Variants in PCDH19 observed in about 807,000 individuals in gnomAD.
The protein encoded by PCDH19 is protocadherin 19.
Under a neutral mutation model 46.2 loss-of-function variants are expected in PCDH19, and 6 were observed. That is an observed-to-expected ratio of 0.13 (90% CI 0.07 to 0.26). The LOEUF (loss-of-function observed/expected upper bound fraction) is 0.26. Among genes scored for constraint, PCDH19 ranks in the 10% least tolerant of loss-of-function variants. The probability of loss-of-function intolerance (pLI) is 1.00; values close to 1 mark genes in which losing one functional copy is unlikely to be tolerated. For synonymous variants in PCDH19, 481 were observed against 415.7 expected, an observed-to-expected ratio of 1.16 and a Z score of -1.91; for missense variants, 740 against 972.3, an observed-to-expected ratio of 0.76 and a Z score of 3.18.
chrX:100,343,894 CTG>C (rs1926325371), intron 4 of PCDH19, among the ~76,000 whole-genome samples: 1 of 111,997 alleles, frequency 8.9e-6, no homozygotes, highest in African/African-American at 3.2e-5. Context: ...GCCTGGCTCT[CTG>C]AGACTGATAA....
chrX:100,371,023 GTGGGT>G (rs1927208389), intron 3 of PCDH19, among the ~76,000 whole-genome samples: 1 of 109,018 alleles, frequency 9.2e-6, no homozygotes, highest in East Asian at 2.9e-4. Context: ...GTGTGTGTGT[GTGGGT>G]GTGTGTGTAT....
chrX:100,394,261 T>C (rs1311554592), intron 3 of PCDH19, among the ~76,000 whole-genome samples: 1 of 112,292 alleles, frequency 8.9e-6, no homozygotes, highest in East Asian at 2.8e-4. Flanking sequence ...CCTGCTTCAG[T>C]CCCAAAGGGT....
intron 5 of PCDH19, among the ~76,000 whole-genome samples, chrX:100,301,664 G>C: frequency 9.0e-6 from 1 of 111,298 alleles, no homozygotes; most frequent in South Asian, 3.8e-4. Context: ...GCCATTTTTT[G>C]TGAGATATAA....
chrX:100,369,453 A>G (rs1011747905), intron 3 of PCDH19, among the ~76,000 whole-genome samples: 25 of 112,024 alleles, frequency 2.2e-4, no homozygotes, highest in African/African-American at 7.8e-4. Context: ...CCTTATACCT[A>G]AGAACGAATT....
At position 100,408,611 on chromosome X, in the gene PCDH19, T is replaced by C. The variant is rs776486016; in HGVS notation, c.-14A>G. On this transcript the variant is annotated 5_prime_UTR_variant, in exon 1 of 6. Coordinates refer to ENST00000373034, the MANE Select transcript of PCDH19 (RefSeq NM_001184880.2). Reference sequence around the variant, plus strand: ...GAGCGACTCCATGGCTGCACGGGGCTCTGCCTGGCCTCGCCTCTCCACACC... The same window carrying C: ...GAGCGACTCCATGGCTGCACGGGGCCCTGCCTGGCCTCGCCTCTCCACACC... The C allele has an allele frequency of 8.8e-7, 1 of 1,134,607 alleles. No individual in the cohort carries two copies. Among genetic ancestry groups the C allele is most frequent in the Admixed American group, 2.6e-5 (1 of 38,661 alleles). The allele number at this position is 1,134,607 out of a possible 1,213,427, so 93.5% of individuals were successfully genotyped here.
At chrX:100,307,859 GAAAACTATA>G (rs1269203835) in intron 5 of PCDH19, among the ~76,000 whole-genome samples, 2 of 110,354 alleles carry the variant, frequency 1.8e-5, no homozygotes, top group Non-Finnish European at 3.8e-5. Flanking sequence ...CCCCTACAAA[GAAAACTATA>G]AAACACTGCT....
Position 100,292,784 on chromosome X carries a change from C to A in PCDH19, c.*3493G>T, listed in dbSNP as rs958828114. ...GACTGTATACAATGGATTTCTTAAG[C>A]TCATTTATGCCAGTTTTTCAAAGTC... On this transcript the variant is annotated 3_prime_UTR_variant, in exon 6 of 6. Coordinates refer to ENST00000373034, the MANE Select transcript of PCDH19 (RefSeq NM_001184880.2). 1 of 111,936 alleles carries A rather than the reference C, an allele frequency of 8.9e-6. No individual in the cohort carries two copies. The highest frequency in any genetic ancestry group is 3.3e-5 in the African/African-American group (1 of 30,702). The allele number at this position is 111,936 out of a possible 1,213,427, so 9.2% of individuals were successfully genotyped here.
rs993872892 is a variant in PCDH19 at position 100,295,511 on chromosome X, A to C, written c.*766T>G. On this transcript the variant is annotated 3_prime_UTR_variant, in exon 6 of 6. Coordinates refer to ENST00000373034, the MANE Select transcript of PCDH19 (RefSeq NM_001184880.2). ...TGAGCAATCACTACATGAGTTAAAA[A>C]ACGTGAGTATTCTCCAAGTACTCAA... The C allele has an allele frequency of 6.2e-5, 7 of 112,182 alleles. No homozygotes were observed. Among genetic ancestry groups the C allele is most frequent in the Non-Finnish European group, 5.6e-5 (3 of 53,285 alleles). 9.2% of individuals were successfully genotyped at this position (112,182 alleles called of 1,213,427 possible).
intron 3 of PCDH19, among the ~76,000 whole-genome samples, chrX:100,393,964 G>A (rs747411184): frequency 8.9e-6 from 1 of 111,903 alleles, no homozygotes; most frequent in Admixed American, 9.4e-5. Context: ...TCAGGAGTTC[G>A]AGACCACCCT....
At position 100,386,066 on chromosome X, in the gene PCDH19, C is replaced by G. The variant is rs192024157; in HGVS notation, c.2616+16458G>C. On this transcript the variant is annotated intron_variant, in intron 3 of 5. Coordinates refer to ENST00000373034, the MANE Select transcript of PCDH19 (RefSeq NM_001184880.2). ...ATTAATATATGTGTTTTCAAAAATA[C>G]CAACTCATTGAGATTAGTATTGGTT... Among the ~76,000 whole-genome samples the G allele has an allele frequency of 1.8e-3, 196 of 111,710 alleles. 2 individuals are homozygous for G. The highest frequency in any genetic ancestry group is 2.0e-3 in the Non-Finnish European group (108 of 53,152).
Position 100,384,447 on chromosome X carries a change from A to G in PCDH19, c.2616+18077T>C, listed in dbSNP as rs769351510. ...TATCCTCTTATTGGCCATTCTCCCA[A>G]CAGGTCTCCATTCTAATTAATTTCC... On this transcript the variant is annotated intron_variant, in intron 3 of 5. Coordinates refer to ENST00000373034, the MANE Select transcript of PCDH19 (RefSeq NM_001184880.2). Among the ~76,000 whole-genome samples, 3 of 111,013 alleles carry G rather than the reference A, an allele frequency of 2.7e-5. No individual in the cohort carries two copies. In the South Asian group the frequency reaches 1.2e-3, roughly 43 times the overall value.
chrX:100,402,091 C>CT (rs916330727), intron 3 of PCDH19, among the ~76,000 whole-genome samples: 1 of 111,866 alleles, frequency 8.9e-6, no homozygotes, highest in African/African-American at 3.3e-5. Flanking sequence ...CAAATGGGGT[C>CT]TTTAGGAGGC....
intron 3 of PCDH19, among the ~76,000 whole-genome samples, chrX:100,369,014 T>C (rs1248096330): frequency 8.9e-6 from 1 of 111,982 alleles, no homozygotes; most frequent in Non-Finnish European, 1.9e-5. Flanking sequence ...TGGTCAACCA[T>C]ATTATAAAAT....
At chrX:100,327,675 G>A (rs1167217263) in intron 5 of PCDH19, among the ~76,000 whole-genome samples, 1 of 111,782 alleles carries the variant, frequency 8.9e-6, no homozygotes, top group Non-Finnish European at 1.9e-5. Flanking sequence ...TTCAACCATA[G>A]ATATTTTTAT....
At chrX:100,381,165 T>C (rs1927543694) in intron 3 of PCDH19, among the ~76,000 whole-genome samples, 1 of 112,191 alleles carries the variant, frequency 8.9e-6, no homozygotes, top group Non-Finnish European at 1.9e-5. Context: ...AAATATTAGT[T>C]GTAAACACCT....
intron 3 of PCDH19, among the ~76,000 whole-genome samples, chrX:100,371,471 A>G (rs1444765837): frequency 9.0e-5 from 10 of 111,482 alleles, no homozygotes; most frequent in African/African-American, 2.9e-4. Context: ...AAAGGTAGGT[A>G]GAGTAGGCAT....
intron 5 of PCDH19, among the ~76,000 whole-genome samples, chrX:100,339,588 T>C (rs1436526613): frequency 8.9e-6 from 1 of 112,490 alleles, no homozygotes; most frequent in Non-Finnish European, 1.9e-5. Context: ...TGTTGCTCTT[T>C]TTTGAGGTTG....
intron 3 of PCDH19, among the ~76,000 whole-genome samples, chrX:100,381,899 C>T (rs1376313972): frequency 9.0e-6 from 1 of 110,961 alleles, no homozygotes; most frequent in Non-Finnish European, 1.9e-5. Flanking sequence ...AAGCAACAAC[C>T]TTCCCTACAC....
chrX:100,332,167 C>T (rs1471024252), intron 5 of PCDH19, among the ~76,000 whole-genome samples: 3 of 112,006 alleles, frequency 2.7e-5, no homozygotes, highest in South Asian at 3.8e-4. Context: ...AGCCATCTCA[C>T]GACTATTTTG....
Sources: allele counts gnomAD v4.1 joint callset (sites outside exome capture counted in the v4.1 genomes callset), GRCh38; gene constraint gnomAD v4.1.1; transcripts MANE v1.5; gene names NCBI Gene and HGNC (gene_info 2026-07-23, HGNC 2026-07-21).